The following CAPN5 variants were observed in gnomAD, a reference collection of about 807,000 sequenced individuals.
The protein encoded by CAPN5 is calpain-5.
Under a neutral mutation model 73.0 loss-of-function variants are expected in CAPN5, and 54 were observed. The observed-to-expected ratio is 0.74, with a 90% CI of 0.59 to 0.93. The LOEUF (loss-of-function observed/expected upper bound fraction) is 0.93. Among genes scored for constraint, CAPN5 ranks in the 40% least tolerant of loss-of-function variants. The pLI, the probability that CAPN5 is intolerant of heterozygous loss-of-function variation, is 0.00. For synonymous variants in CAPN5, 335 were observed against 356.9 expected, an observed-to-expected ratio of 0.94 and a Z score of 0.69; for missense variants, 785 against 882.9, an observed-to-expected ratio of 0.89 and a Z score of 1.41.
chr11:77,122,434 A>G (rs1421750453), intron 11 of CAPN5, 142 bp from the exon 12 acceptor site: 3 of 707,158 alleles, frequency 4.2e-6, no homozygotes, highest in Non-Finnish European at 7.1e-6. Flanking sequence ...GTCTCTGGAA[A>G]CGAAGGGGCC....
At position 77,103,093 on chromosome 11, in the gene CAPN5, A is replaced by G. The variant is rs1393956825; in HGVS notation, c.297+9280A>G. The G allele has an allele frequency of 3.1e-6, 5 of 1,613,876 alleles. No individual in the cohort carries two copies. The South Asian group carries it at 5.5e-5, about 18-fold the overall frequency. On this transcript the variant is annotated intron_variant, in intron 3 of 12. Coordinates refer to ENST00000648180, the MANE Select transcript of CAPN5 (RefSeq NM_004055.5). ...AAGGTCACCATCACAGGCACCTCGC[A>G]GAACTGGACGCCTGACCTCACCAAC...
At chr11:77,086,926 TC>T (rs1472229241) in intron 2 of CAPN5, among the ~76,000 whole-genome samples, 1 of 152,196 alleles carries the variant, frequency 6.6e-6, no homozygotes, top group East Asian at 1.9e-4. Flanking sequence ...TGAGCCCCTT[TC>T]CTTGTGGGTT....
chr11:77,087,940 A>T (rs1376191165), intron 2 of CAPN5: 23 of 1,535,822 alleles, frequency 1.5e-5, no homozygotes, highest in Non-Finnish European at 1.9e-5. Flanking sequence ...TGTTCTTTCC[A>T]GTACAGTGGC....
rs1950422762 is a variant in CAPN5, at chr11:77,112,605, A to G, written c.314A>G (p.Lys105Arg). 7 of 1,613,178 alleles carry G rather than the reference A, an allele frequency of 4.3e-6. No homozygotes were observed. The highest frequency in any genetic ancestry group is 5.9e-6 in the Non-Finnish European group (7 of 1,179,650). Residue 105 changes from lysine (K) to arginine (R), a missense_variant, in exon 4 of 13, where the codon AAG becomes AGG. Physicochemically the swap from Lys to Arg is conservative, Grantham distance 26. Transcript: ENST00000648180. ...SLWQKVIPDW[K>R]EQEWDPEKPN... The stretch of plus-strand genomic sequence containing the variant: ...CCTACCCAGGTCATCCCAGACTGGA[A>G]GGAGCAGGAATGGGACCCCGAAAAG...
At chr11:77,101,633 G>T (rs1555038864) in intron 3 of CAPN5, among the ~76,000 whole-genome samples, 1 of 152,136 alleles carries the variant, frequency 6.6e-6, no homozygotes, top group African/African-American at 2.4e-5. Context: ...TCTCACAATT[G>T]ACCGTGCTTG....
At chr11:77,119,237 T>C in intron 9 of CAPN5, 85 bp downstream of exon 9, 1 of 1,442,606 alleles carries the variant, frequency 6.9e-7, no homozygotes, top group East Asian at 2.5e-5. Context: ...AAGAACGCTC[T>C]AGAACACCTT....
intron 3 of CAPN5, chr11:77,103,113 A>C: frequency 6.2e-7 from 1 of 1,613,802 alleles, no homozygotes; most frequent in Non-Finnish European, 8.5e-7. Context: ...GCCTGACCTC[A>C]CCAACCTCAT....
Position 77,123,894 on chromosome 11 carries a change from G to A in CAPN5, c.*24G>A. On this transcript the variant is annotated 3_prime_UTR_variant, in exon 13 of 13. Coordinates refer to ENST00000648180, the MANE Select transcript of CAPN5 (RefSeq NM_004055.5). The stretch of plus-strand genomic sequence containing the variant: ...GACACCTGCCCACCTACCTGGCTCT[G>A]ACCGTTCCCACCACCATCTGCATGT... The A allele has an allele frequency of 6.2e-7, 1 of 1,605,418 alleles. No homozygotes were observed. The highest frequency in any genetic ancestry group is 1.3e-5 in the African/African-American group (1 of 74,918).
At position 77,075,003 on chromosome 11, in the gene CAPN5, A is replaced by T. The variant is rs565518017; in HGVS notation, c.-36+7909A>T. Among the ~76,000 whole-genome samples, 16 of 152,256 alleles carry T rather than the reference A, an allele frequency of 1.1e-4. No individual in the cohort carries two copies. The South Asian group carries it at 2.9e-3, about 28-fold the overall frequency. ...GCCGTTCTTCTGGTCTTTCTGGTTT[A>T]GTCTTGTCCTTTTCTAGTCCGTTTC... On this transcript the variant is annotated intron_variant, in intron 1 of 12. Transcript: ENST00000648180.
chr11:77,067,805 G>A (rs1949860905), intron 1 of CAPN5, among the ~76,000 whole-genome samples: 1 of 152,016 alleles, frequency 6.6e-6, no homozygotes. Context: ...TAGGACAAAA[G>A]ATCATTAACA....
chr11:77,123,570 G>A (rs875874), intron 12 of CAPN5, 118 bp from the exon 13 acceptor site: 71,466 of 847,270 alleles, frequency 0.084, 3,774 homozygotes, highest in East Asian at 0.22. Flanking sequence ...CAGGGCCCCC[G>A]ATCCTCAGCC....
intron 1 of CAPN5, among the ~76,000 whole-genome samples, chr11:77,072,812 G>A (rs1949922847): frequency 6.6e-6 from 1 of 152,196 alleles, no homozygotes; most frequent in African/African-American, 2.4e-5. Context: ...TACAGGAAGT[G>A]GAGAAAAGGG....
chr11:77,088,660 G>A (rs1555036015), intron 2 of CAPN5, among the ~76,000 whole-genome samples: 1 of 152,184 alleles, frequency 6.6e-6, no homozygotes. Flanking sequence ...TAGATTCCAG[G>A]AGGGTGGTGA....
chr11:77,087,996 A>G, intron 2 of CAPN5: 1 of 1,535,934 alleles, frequency 6.5e-7, no homozygotes, highest in Non-Finnish European at 8.7e-7. Flanking sequence ...TGCACGGAGA[A>G]TGGAGAATGT....
At chr11:77,120,313 G>A (rs76603009) in intron 9 of CAPN5, 11,991 of 156,418 alleles carry the variant, frequency 0.077, 521 homozygotes, top group Middle Eastern at 0.22. Context: ...CTCCCAAAGC[G>A]CTGGGATTAC....
intron 2 of CAPN5, among the ~76,000 whole-genome samples, chr11:77,090,222 T>G (rs988022769): frequency 6.6e-6 from 1 of 151,988 alleles, no homozygotes; most frequent in African/African-American, 2.4e-5. Flanking sequence ...CTGGTGACCC[T>G]GAGCCTCTCC....
At chr11:77,097,465 T>G (rs1378033447) in intron 3 of CAPN5, among the ~76,000 whole-genome samples, 5 of 26,936 alleles carry the variant, frequency 1.9e-4, no homozygotes, top group African/African-American at 1.1e-3. Context: ...TTCCTTCTAG[T>G]TTTTTTTTTT....
At chr11:77,122,492 G>A (rs1338560062) in intron 11 of CAPN5, 84 bp from the exon 12 acceptor site, 6 of 1,161,972 alleles carry the variant, frequency 5.2e-6, no homozygotes, top group South Asian at 4.1e-5. Context: ...ACTGAGCCGG[G>A]TGGGCATCTC....
chr11:77,069,062 C>T (rs1555032618), intron 1 of CAPN5, among the ~76,000 whole-genome samples: 1 of 152,196 alleles, frequency 6.6e-6, no homozygotes, highest in Non-Finnish European at 1.5e-5. Context: ...CTCCTGCGCC[C>T]TCAGTGGGCA....
Sources: gnomAD v4.1 joint callset for allele counts (sites outside exome capture counted in the v4.1 genomes callset) on GRCh38, gnomAD v4.1.1 for gene constraint, MANE v1.5 for transcripts, NCBI Gene and HGNC (gene_info 2026-07-23, HGNC 2026-07-21) for gene names.